Variants in PTPRS observed in about 807,000 individuals in gnomAD.
PTPRS encodes protein tyrosine phosphatase receptor type S, also known as receptor-type tyrosine-protein phosphatase S.
Under a neutral mutation model 215.3 loss-of-function variants are expected in PTPRS, and 63 were observed. The ratio of observed to expected loss-of-function variants is 0.29; its 90% CI spans 0.24 to 0.36. The LOEUF is 0.36. PTPRS is among the 10% of genes least tolerant of loss of function. The probability of loss-of-function intolerance (pLI) is 1.00; values close to 1 mark genes in which losing one functional copy is unlikely to be tolerated. For synonymous variants in PTPRS, 1,404 were observed against 1,191.4 expected, an observed-to-expected ratio of 1.18 and a Z score of -3.68; for missense variants, 2,258 against 2,825.8, an observed-to-expected ratio of 0.80 and a Z score of 4.56.
chr19:5,301,317 GTT>G (rs200496781), intron 1 of PTPRS, among the ~76,000 whole-genome samples: 16 of 137,412 alleles, frequency 1.2e-4, no homozygotes, highest in South Asian at 4.7e-4. Flanking sequence ...AGTTGTTGCT[GTT>G]TTTTTTTTTT....
chr19:5,289,770 G>A (rs993297345), intron 1 of PTPRS, among the ~76,000 whole-genome samples: 1 of 152,352 alleles, frequency 6.6e-6, no homozygotes, highest in Non-Finnish European at 1.5e-5. Context: ...CAAACAGCAT[G>A]AGGAAGAGCA....
chr19:5,327,097 C>T (rs747516077), intron 1 of PTPRS, among the ~76,000 whole-genome samples: 1 of 152,188 alleles, frequency 6.6e-6, no homozygotes, highest in Non-Finnish European at 1.5e-5. Flanking sequence ...CTCCTGCCAG[C>T]GTGGCAGCCT....
At chr19:5,225,622 G>T in intron 17 of PTPRS, 105 bp downstream of exon 17, 1 of 997,426 alleles carries the variant, frequency 1.0e-6, no homozygotes, top group Non-Finnish European at 1.6e-6. Context: ...GCTGCCTGGT[G>T]CACCCTCTGC....
In PTPRS at chr19:5,222,158, A is replaced by C. The variant is rs772903486; in HGVS notation, c.3166T>G (p.Phe1056Val). Residue 1056 changes from phenylalanine (F) to valine (V), a missense_variant, in exon 19 of 38, where the codon TTC becomes GTC. Physicochemically the swap from Phe to Val is conservative, Grantham distance 50 (BLOSUM62 -1). Around this residue, in one of 6 missense-constraint regions of PTPRS, gnomAD observed 361 missense variants for 332.6 expected, o/e 1.09. Transcript: ENST00000262963. ...MKTSVLLSWE[F>V]PDNYNSPTPY... ...GTGGGTGAGTTGTAGTTGTCAGGGA[A>C]CTCCCAGCTGAGCAGAACTGATGTC... 7 of 1,613,882 alleles carry C rather than the reference A, an allele frequency of 4.3e-6. No individual in the cohort carries two copies. The South Asian group carries it at 7.7e-5, about 18-fold the overall frequency.
At chr19:5,279,153 T>C (rs967163614) in intron 2 of PTPRS, among the ~76,000 whole-genome samples, 1 of 150,844 alleles carries the variant, frequency 6.6e-6, no homozygotes, top group African/African-American at 2.4e-5. Context: ...ACCACTGCAC[T>C]CCAGCCGGGG....
intron 1 of PTPRS, among the ~76,000 whole-genome samples, chr19:5,330,743 G>C (rs1197227658): frequency 6.6e-6 from 1 of 152,188 alleles, no homozygotes; most frequent in Non-Finnish European, 1.5e-5. Context: ...CCGAACCTGG[G>C]GCGTTCAGAC....
intron 1 of PTPRS, among the ~76,000 whole-genome samples, chr19:5,318,088 G>A (rs981914420): frequency 2.6e-5 from 4 of 151,662 alleles, no homozygotes; most frequent in Admixed American, 6.6e-5. Flanking sequence ...GGAGAGTGAC[G>A]TGAACCTAGG....
intron 2 of PTPRS, among the ~76,000 whole-genome samples, chr19:5,284,696 T>C (rs571210053): frequency 1.3e-4 from 19 of 151,746 alleles, no homozygotes; most frequent in Non-Finnish European, 2.4e-4. Context: ...CCTGTAATTC[T>C]AGCACTTTGG....
At chr19:5,233,428 CTACT>C (rs995703880) in intron 13 of PTPRS, among the ~76,000 whole-genome samples, 30 of 151,528 alleles carry the variant, frequency 2.0e-4, no homozygotes, top group African/African-American at 7.0e-4. Flanking sequence ...TATTAACTAC[CTACT>C]ATGTGCCAGG....
At chr19:5,336,773 T>A (rs1267751107) in intron 1 of PTPRS, among the ~76,000 whole-genome samples, 2 of 94,154 alleles carry the variant, frequency 2.1e-5, no homozygotes, top group Non-Finnish European at 4.1e-5. Context: ...CCACTCTGCC[T>A]GGTGAGCGGT....
chr19:5,206,816 C>G lies in PTPRS; in HGVS notation c.5805G>C (p.Ala1935=). ...TEDEYQFCYQ[A]ALEYLGSFDH... is the part of the protein sequence containing the mutation. ...CAAAGCTTCCGAGGTACTCCAGTGC[C>G]GCCTGGTAACAGAACTGGTACTCAT... Residue 1935 remains alanine, a synonymous_variant, in exon 38 of 38, where the codon GCG becomes GCC. Coordinates refer to ENST00000262963, the MANE Select transcript of PTPRS (RefSeq NM_002850.4). 1 of 1,614,092 alleles carries G rather than the reference C, an allele frequency of 6.2e-7. No homozygotes were observed. Among genetic ancestry groups the G allele is most frequent in the Non-Finnish European group, 8.5e-7 (1 of 1,179,990 alleles).
chr19:5,276,219 TTTTG>T (rs1196616724), intron 2 of PTPRS, among the ~76,000 whole-genome samples: 2 of 108,180 alleles, frequency 1.8e-5, no homozygotes, highest in African/African-American at 8.1e-5. Context: ...GTAGGAGTGT[TTTTG>T]TTTTTGTTTT....
chr19:5,206,962 T>A, intron 37 of PTPRS, 120 bp from the exon 38 acceptor site: 1 of 850,072 alleles, frequency 1.2e-6, no homozygotes, highest in Non-Finnish European at 1.9e-6. Flanking sequence ...GCAGAAGGTC[T>A]CTTTGGCCCC....
chr19:5,264,779 C>T (rs1031638705), intron 5 of PTPRS, among the ~76,000 whole-genome samples: 5 of 152,202 alleles, frequency 3.3e-5, no homozygotes, highest in Non-Finnish European at 7.3e-5. Flanking sequence ...CACTATTCTT[C>T]TACCACCCTC....
At chr19:5,336,783 T>G (rs2050515969) in intron 1 of PTPRS, among the ~76,000 whole-genome samples, 1 of 137,174 alleles carries the variant, frequency 7.3e-6, no homozygotes. Context: ...TGGTGAGCGG[T>G]TGGAGGGTGG....
chr19:5,279,761 C>A (rs955960448), intron 2 of PTPRS, among the ~76,000 whole-genome samples: 10 of 152,244 alleles, frequency 6.6e-5, no homozygotes, highest in African/African-American at 2.2e-4. Flanking sequence ...CGGCTCACTG[C>A]AAGCTTCACC....
intron 1 of PTPRS, among the ~76,000 whole-genome samples, chr19:5,333,391 C>T (rs2070283871): frequency 6.6e-6 from 1 of 151,824 alleles, no homozygotes. Context: ...CTATAGTCCC[C>T]AGCTACTTGG....
chr19:5,311,532 G>A (rs968329351), intron 1 of PTPRS, among the ~76,000 whole-genome samples: 26 of 152,164 alleles, frequency 1.7e-4, no homozygotes, highest in Non-Finnish European at 3.8e-4. Context: ...CTTTCCTTGG[G>A]GTCTGAAGGA....
Position 5,206,318 on chromosome 19 carries a change from T to A in PTPRS, c.*456A>T, listed in dbSNP as rs2040364128. ...GAAATGTCACGGGATACAGTTACAC[T>A]GAGAGTTTTAAAAGAAAGCTGGATT... On this transcript the variant is annotated 3_prime_UTR_variant, in exon 38 of 38. Coordinates refer to ENST00000262963, the MANE Select transcript of PTPRS (RefSeq NM_002850.4). 1 of 230,876 alleles carries A rather than the reference T, an allele frequency of 4.3e-6. No homozygotes were observed. Among genetic ancestry groups the A allele is most frequent in the South Asian group, 1.8e-4 (1 of 5,710 alleles). 14.3% of individuals were successfully genotyped at this position (230,876 alleles called of 1,614,324 possible).
Sources: allele counts gnomAD v4.1 joint callset (sites outside exome capture counted in the v4.1 genomes callset), GRCh38; gene constraint gnomAD v4.1.1; regional missense constraint gnomAD v4.1.1; transcripts MANE v1.5; gene names NCBI Gene and HGNC (gene_info 2026-07-23, HGNC 2026-07-21).